NRG1: variants seen among roughly 807,000 people sequenced by gnomAD.
NRG1 encodes the protein neuregulin 1, also known as pro-neuregulin-1, membrane-bound isoform.
Under a neutral mutation model 63.8 loss-of-function variants are expected in NRG1, and 18 were observed. That is an observed-to-expected ratio of 0.28 (90% CI 0.19 to 0.42). NRG1 has a LOEUF of 0.42. NRG1 is among the 10% of genes least tolerant of loss of function. The probability of loss-of-function intolerance (pLI) is 1.00; values close to 1 mark genes in which losing one functional copy is unlikely to be tolerated. For synonymous variants in NRG1, 302 were observed against 301.3 expected (o/e 1.00, Z -0.02); for missense variants, 762 against 814.7 (o/e 0.94, Z 0.79).
chr8:31,786,722 T>G (rs1238761062), intron 1 of NRG1, among the ~76,000 whole-genome samples: 6 of 152,168 alleles, frequency 3.9e-5, no homozygotes. Flanking sequence ...TACAGAATAT[T>G]GTAAAGAATA....
intron 1 of NRG1, among the ~76,000 whole-genome samples, chr8:32,240,844 T>G (rs1053432642): frequency 6.6e-6 from 1 of 152,106 alleles, no homozygotes; most frequent in African/African-American, 2.4e-5. Flanking sequence ...TATTTTGAGA[T>G]TTAATCAATT....
intron 5 of NRG1, among the ~76,000 whole-genome samples, chr8:32,722,991 T>C (rs1000348804): frequency 4.6e-5 from 7 of 152,226 alleles, no homozygotes. Flanking sequence ...GAAACAACTA[T>C]TGAGGCTTGG....
In NRG1 at chr8:31,650,445, A is replaced by G. The variant is rs905926346; in HGVS notation, c.37+11014A>G. 7.2e-5 allele frequency among the ~76,000 whole-genome samples: 11 copies of G among 152,244 alleles called. No individual in the cohort carries two copies. In the South Asian group the frequency reaches 8.3e-4, roughly 11 times the overall value. ...CATCCACTCTGACTGCTCCCTGAAC[A>G]GGCCAGGCACTTTCCTAACCCTCCT... is the stretch of plus-strand genomic sequence containing the variant. On this transcript the variant is annotated intron_variant, in intron 1 of 10. Coordinates refer to the NRG1 transcript ENST00000519301.
intron 2 of NRG1, among the ~76,000 whole-genome samples, chr8:32,604,688 C>T (rs1363862685): frequency 6.6e-6 from 1 of 152,106 alleles, no homozygotes; most frequent in East Asian, 1.9e-4. Flanking sequence ...TCATGTCAGC[C>T]TCCCAAGTAG....
At chr8:32,512,581 T>C (rs192471773) in intron 1 of NRG1, among the ~76,000 whole-genome samples, 12 of 152,346 alleles carry the variant, frequency 7.9e-5, no homozygotes, top group Admixed American at 6.5e-4. Context: ...CCTTATATGG[T>C]AAGTATCTTT....
At chr8:32,530,819 T>G (rs1397675612) in intron 1 of NRG1, among the ~76,000 whole-genome samples, 1 of 152,154 alleles carries the variant, frequency 6.6e-6, no homozygotes, top group Non-Finnish European at 1.5e-5. Flanking sequence ...CAGCCAGGTG[T>G]GGTGGCTCAC....
chr8:31,841,308 T>C (rs1196437791), intron 1 of NRG1, among the ~76,000 whole-genome samples: 1 of 152,098 alleles, frequency 6.6e-6, no homozygotes, highest in Non-Finnish European at 1.5e-5. Context: ...AGGGAACTTC[T>C]GTGGTTTAGA....
intron 11 of NRG1, chr8:32,763,219 C>T (rs758006128): frequency 2.5e-6 from 4 of 1,613,086 alleles, no homozygotes; most frequent in South Asian, 2.2e-5. Context: ...TTTCATAAGA[C>T]ATAACCTTAT....
intron 1 of NRG1, among the ~76,000 whole-genome samples, chr8:32,532,360 CA>C (rs1195354718): frequency 6.6e-6 from 1 of 152,054 alleles, no homozygotes; most frequent in Non-Finnish European, 1.5e-5. Flanking sequence ...TACTTTTTTC[CA>C]AAACTGTCCT....
chr8:32,613,120 A>G (rs556714734), intron 3 of NRG1, among the ~76,000 whole-genome samples: 1 of 151,998 alleles, frequency 6.6e-6, no homozygotes, highest in Non-Finnish European at 1.5e-5. Flanking sequence ...GTACCCTCAC[A>G]TACTAATTCC....
chr8:32,143,493 A>G (rs900103), intron 1 of NRG1, among the ~76,000 whole-genome samples: 35,190 of 152,090 alleles, frequency 0.23, 5,942 homozygotes, highest in East Asian at 0.82. Context: ...CCCTTCCCCA[A>G]TGTTTCTACC....
intron 1 of NRG1, among the ~76,000 whole-genome samples, chr8:32,357,728 TAA>T (rs148442161): frequency 0.012 from 1,860 of 152,318 alleles, 40 homozygotes; most frequent in African/African-American, 0.042. Context: ...ATCTATTCAC[TAA>T]AGTGTTATTA....
intron 1 of NRG1, among the ~76,000 whole-genome samples, chr8:32,041,400 A>T (rs1820014275): frequency 6.6e-6 from 1 of 152,228 alleles, no homozygotes; most frequent in Non-Finnish European, 1.5e-5. Context: ...CCTGGACAAA[A>T]CACATGAATT....
At chr8:32,258,312 A>G (rs1849970911) in intron 1 of NRG1, among the ~76,000 whole-genome samples, 1 of 152,238 alleles carries the variant, frequency 6.6e-6, no homozygotes, top group South Asian at 2.1e-4. Flanking sequence ...GTGAATGATA[A>G]CAATGATAAC....
At chr8:31,881,405 A>G (rs1240170468) in intron 1 of NRG1, among the ~76,000 whole-genome samples, 3 of 152,190 alleles carry the variant, frequency 2.0e-5, no homozygotes, top group African/African-American at 7.2e-5. Flanking sequence ...TAGTTGCTAC[A>G]CCAACCAGCT....
chr8:32,524,375 C>T (rs535138369), intron 1 of NRG1, among the ~76,000 whole-genome samples: 18 of 152,274 alleles, frequency 1.2e-4, no homozygotes, highest in Non-Finnish European at 2.2e-4. Flanking sequence ...TTTCCTTCTA[C>T]GGCAACAAAT....
intron 1 of NRG1, among the ~76,000 whole-genome samples, chr8:32,042,961 AGTGTGTGTGTGT>A (rs111850977): frequency 7.1e-6 from 1 of 139,900 alleles, no homozygotes; most frequent in Non-Finnish European, 1.5e-5. Flanking sequence ...GAAAGAGTGC[AGTGTGTGTGTGT>A]GTGTGTGTGT....
At chr8:32,567,697 T>A (rs973414667) in intron 1 of NRG1, among the ~76,000 whole-genome samples, 1 of 152,254 alleles carries the variant, frequency 6.6e-6, no homozygotes, top group Non-Finnish European at 1.5e-5. Context: ...CTTAAGTTGC[T>A]GTTTCACCCT....
chr8:31,679,144 T>C (rs1808054956), intron 1 of NRG1, among the ~76,000 whole-genome samples: 1 of 152,060 alleles, frequency 6.6e-6, no homozygotes, highest in Non-Finnish European at 1.5e-5. Context: ...GATATCCACA[T>C]GTCTGTTTCC....
Sources: gnomAD v4.1 joint callset for allele counts (sites outside exome capture counted in the v4.1 genomes callset) on GRCh38, gnomAD v4.1.1 for gene constraint, MANE v1.5 for transcripts, NCBI Gene and HGNC (gene_info 2026-07-23, HGNC 2026-07-21) for gene names.